The following RANBP2 variants were observed in gnomAD, a reference collection of about 807,000 sequenced individuals.
RANBP2 encodes the protein RAN binding protein 2.
A neutral mutation model predicts 303.6 loss-of-function variants in RANBP2; 57 were observed. That is an observed-to-expected ratio of 0.19 (90% confidence interval 0.15 to 0.23). RANBP2 has a LOEUF of 0.23. RANBP2 is among the 10% of genes least tolerant of loss of function. The probability of loss-of-function intolerance (pLI) is 1.00; values close to 1 mark genes in which losing one functional copy is unlikely to be tolerated. For synonymous variants in RANBP2, 1,167 were observed against 1,301.5 expected, an observed-to-expected ratio of 0.90 and a Z score of 2.23; for missense variants, 3,138 against 3,780.8, an observed-to-expected ratio of 0.83 and a Z score of 4.46.
chr2:109,397,461 C>T, the RANBP2 span, among the ~76,000 whole-genome samples: 20 of 152,186 alleles, frequency 1.3e-4, no homozygotes, highest in Non-Finnish European at 2.8e-4. Context: ...AGAGTTCCCT[C>T]TGCTTTATTC....
the RANBP2 span, among the ~76,000 whole-genome samples, chr2:109,380,860 C>T: frequency 6.6e-6 from 1 of 152,230 alleles, no homozygotes; most frequent in Non-Finnish European, 1.5e-5. Flanking sequence ...GAGCCAGACA[C>T]TAATTCAGGG....
At chr2:108,967,523 G>A in the RANBP2 span, among the ~76,000 whole-genome samples, 2 of 152,040 alleles carry the variant, frequency 1.3e-5, no homozygotes, top group Non-Finnish European at 2.9e-5. Context: ...TATCAAAGAG[G>A]TTTACAACAG....
the RANBP2 span, among the ~76,000 whole-genome samples, chr2:109,011,482 G>A: frequency 6.6e-6 from 1 of 152,140 alleles, no homozygotes; most frequent in African/African-American, 2.4e-5. Context: ...AGCTAATAGG[G>A]TCTTTGTTCT....
At chr2:109,207,852 T>C in the RANBP2 span, among the ~76,000 whole-genome samples, 14,622 of 152,190 alleles carry the variant, frequency 0.096, 1,283 homozygotes, top group East Asian at 0.31. Context: ...CTCATATTGT[T>C]TGGGGACCAA....
At chr2:109,461,779 G>A in the RANBP2 span, among the ~76,000 whole-genome samples, 1 of 152,248 alleles carries the variant, frequency 6.6e-6, no homozygotes, top group South Asian at 2.1e-4. Flanking sequence ...AAGTGGTAGA[G>A]CATCTTTCAC....
the RANBP2 span, among the ~76,000 whole-genome samples, chr2:109,648,149 C>T: frequency 1.3e-5 from 2 of 152,280 alleles, no homozygotes; most frequent in African/African-American, 4.8e-5. Context: ...GGATAGTGAC[C>T]GCTTGGGTCC....
chr2:109,462,678 T>A, the RANBP2 span, among the ~76,000 whole-genome samples: 2 of 152,198 alleles, frequency 1.3e-5, no homozygotes, highest in East Asian at 3.8e-4. Flanking sequence ...ATAACAGCCC[T>A]CTCTCCACAG....
At chr2:109,204,984 G>T in the RANBP2 span, among the ~76,000 whole-genome samples, 1 of 152,154 alleles carries the variant, frequency 6.6e-6, no homozygotes, top group African/African-American at 2.4e-5. Flanking sequence ...GAGGCAGGAG[G>T]ATCACTTGAA....
the RANBP2 span, among the ~76,000 whole-genome samples, chr2:108,834,706 A>G: frequency 6.6e-6 from 1 of 152,254 alleles, no homozygotes; most frequent in Middle Eastern, 3.4e-3. Flanking sequence ...AATTTCAAGA[A>G]TTTTTCATTA....
At chr2:109,406,066 G>A in the RANBP2 span, among the ~76,000 whole-genome samples, 1 of 152,226 alleles carries the variant, frequency 6.6e-6, no homozygotes, top group Non-Finnish European at 1.5e-5. Flanking sequence ...TGTCCAGGGC[G>A]TGCAGCCGGC....
At chr2:109,571,109 T>C in the RANBP2 span, among the ~76,000 whole-genome samples, 1 of 152,134 alleles carries the variant, frequency 6.6e-6, no homozygotes, top group Non-Finnish European at 1.5e-5. Context: ...TCCTCCTCCT[T>C]CTCAGGTCAT....
the RANBP2 span, among the ~76,000 whole-genome samples, chr2:109,177,653 G>A: frequency 9.2e-4 from 140 of 152,256 alleles, no homozygotes; most frequent in African/African-American, 3.1e-3. Flanking sequence ...AGATGATAGT[G>A]TCTAGACCAC....
chr2:109,484,444 T>C, the RANBP2 span, among the ~76,000 whole-genome samples: 1 of 152,096 alleles, frequency 6.6e-6, no homozygotes, highest in Non-Finnish European at 1.5e-5. Flanking sequence ...TGCTTTTTGC[T>C]AGATTTACCT....
chr2:108,804,902 A>T, the RANBP2 span: 136 of 1,559,348 alleles, frequency 8.7e-5, 1 homozygote, highest in Middle Eastern at 8.6e-4. Flanking sequence ...CATGATGCAG[A>T]AGTTGAACAC....
the RANBP2 span, among the ~76,000 whole-genome samples, chr2:109,388,836 A>AGAG: frequency 0.52 from 78,931 of 151,608 alleles, 20,988 homozygotes; most frequent in South Asian, 0.61. Flanking sequence ...GAGAGAGACT[A>AGAG]GAGAGAAGGG....
chr2:109,525,729 C>T, the RANBP2 span, among the ~76,000 whole-genome samples: 1 of 152,154 alleles, frequency 6.6e-6, no homozygotes, highest in Non-Finnish European at 1.5e-5. Context: ...GGCCCTCTGG[C>T]CACTGTCCTT....
chr2:109,517,543 T>C, the RANBP2 span, among the ~76,000 whole-genome samples: 2 of 152,180 alleles, frequency 1.3e-5, no homozygotes, highest in South Asian at 2.1e-4. Flanking sequence ...GGAACAGCAT[T>C]AGAGCAATGG....
the RANBP2 span, among the ~76,000 whole-genome samples, chr2:108,994,372 A>G: frequency 6.6e-6 from 1 of 152,242 alleles, no homozygotes; most frequent in East Asian, 1.9e-4. Context: ...TTATGTAAGC[A>G]GTGAAAACAT....
the RANBP2 span, among the ~76,000 whole-genome samples, chr2:109,681,205 A>C: frequency 6.6e-6 from 1 of 152,216 alleles, no homozygotes; most frequent in Non-Finnish European, 1.5e-5. Context: ...ATTTATGTGA[A>C]GTTCAGAAAG....
Sources: allele counts gnomAD v4.1 joint callset (sites outside exome capture counted in the v4.1 genomes callset), GRCh38; gene constraint gnomAD v4.1.1; transcripts MANE v1.5; gene names NCBI Gene and HGNC (gene_info 2026-07-23, HGNC 2026-07-21).